The following PALD1 variants were observed in gnomAD, a reference collection of about 807,000 sequenced individuals.
PALD1 encodes the protein paladin.
Under a neutral mutation model 96.0 loss-of-function variants are expected in PALD1, and 57 were observed. That is an observed-to-expected ratio of 0.59 (90% confidence interval 0.48 to 0.74). PALD1 has a LOEUF of 0.74. PALD1 is among the 30% of genes least tolerant of loss of function. The probability of loss-of-function intolerance (pLI) is 0.00; values close to 1 mark genes in which losing one functional copy is unlikely to be tolerated. For missense variants in PALD1, 1,063 were observed against 1,143.7 expected (o/e 0.93, Z 1.02); for synonymous variants, 464 against 473.6 (o/e 0.98, Z 0.26).
intron 18 of PALD1, among the ~76,000 whole-genome samples, chr10:70,562,435 A>G (rs1222815189): frequency 6.6e-6 from 1 of 152,184 alleles, no homozygotes; most frequent in East Asian, 1.9e-4. Context: ...GATTCCTGGG[A>G]CTGTGGACTG....
chr10:70,506,797 G>A (rs1846400417), intron 1 of PALD1, among the ~76,000 whole-genome samples: 1 of 152,142 alleles, frequency 6.6e-6, no homozygotes, highest in African/African-American at 2.4e-5. Flanking sequence ...GGTGGAATCT[G>A]CCTCTCAGAG....
chr10:70,529,312 C>G lies in PALD1; in HGVS notation c.269C>G (p.Pro90Arg), dbSNP rs1564698421. The change falls in exon 3 of 20, where the codon CCT becomes CGT. Residue 90 changes from proline to arginine, a missense_variant. By Grantham distance (103) the Pro-to-Arg change is moderately radical (BLOSUM62 -2). Coordinates refer to ENST00000263563, the MANE Select transcript of PALD1 (RefSeq NM_014431.3). ...TTGGGCCGGCTCTCGGACAACACCC[C>G]TGAGCACTACCTGGTGCAAGTGAGC... ...YTLGRLSDNT[P>R]EHYLVQGRYF... The G allele has an allele frequency of 1.3e-6, 2 of 1,593,604 alleles. No individual in the cohort carries two copies. Among genetic ancestry groups the G allele is most frequent in the Non-Finnish European group, 1.7e-6 (2 of 1,165,838 alleles).
intron 1 of PALD1, among the ~76,000 whole-genome samples, chr10:70,496,088 A>AG (rs5785981): frequency 0.069 from 10,402 of 151,706 alleles, 1,052 homozygotes; most frequent in East Asian, 0.51. Context: ...AATTTTAAAA[A>AG]GGGGAAGAAA....
At chr10:70,505,634 CAAAACAAAACAAAA>C (rs1313423634) in intron 1 of PALD1, among the ~76,000 whole-genome samples, 2 of 118,774 alleles carry the variant, frequency 1.7e-5, no homozygotes, top group Admixed American at 1.8e-4. Context: ...CAAAACAAAA[CAAAACAAAACAAAA>C]AAACAAATCA....
chr10:70,533,272 G>A (rs1258441134), intron 7 of PALD1, among the ~76,000 whole-genome samples: 1 of 152,010 alleles, frequency 6.6e-6, no homozygotes, highest in Non-Finnish European at 1.5e-5. Context: ...GTGTCTGTGG[G>A]GAGTGTGTGT....
At chr10:70,564,551 G>A in intron 19 of PALD1, 32 bp downstream of exon 19, 3 of 1,603,344 alleles carry the variant, frequency 1.9e-6, no homozygotes, top group Non-Finnish European at 2.6e-6. Flanking sequence ...GAGGGGCCGG[G>A]GCGATGGCTC....
intron 1 of PALD1, among the ~76,000 whole-genome samples, chr10:70,480,088 G>A (rs1205664346): frequency 6.6e-6 from 1 of 152,246 alleles, no homozygotes; most frequent in East Asian, 1.9e-4. Context: ...AAGCAAATGT[G>A]CTGAAATGTT....
chr10:70,494,617 G>A (rs1299950478), intron 1 of PALD1, among the ~76,000 whole-genome samples: 1 of 152,194 alleles, frequency 6.6e-6, no homozygotes, highest in African/African-American at 2.4e-5. Context: ...TGTCAGCGGG[G>A]TAATTATGGA....
In PALD1 at chr10:70,539,583, C is replaced by T; in HGVS notation, c.1729C>T (p.Leu577=). 2 of 1,608,144 alleles carry T rather than the reference C, an allele frequency of 1.2e-6. No homozygotes were observed. The highest frequency in any genetic ancestry group is 1.7e-6 in the Non-Finnish European group (2 of 1,176,582). ...PPVAPDQLET[L]EAQLKAHLSE... ...CCTCCCTCCTGCCCTTGCCCAGACC[C>T]TGGAGGCCCAGCTGAAGGCCCATCT... Residue 577 remains leucine (L), a synonymous_variant, in exon 15 of 20, where the codon CTG becomes TTG. Transcript: ENST00000263563. This position sits in a 1 kb window ranked among gnomAD's most constrained non-coding sequence, Gnocchi z 4.5.
At chr10:70,484,507 A>G (rs999168689) in intron 1 of PALD1, among the ~76,000 whole-genome samples, 9 of 152,112 alleles carry the variant, frequency 5.9e-5, no homozygotes. Flanking sequence ...TTTGAAGTGT[A>G]CATGTAACTG....
At chr10:70,514,607 C>T (rs951585748) in intron 1 of PALD1, among the ~76,000 whole-genome samples, 3 of 152,110 alleles carry the variant, frequency 2.0e-5, no homozygotes, top group Non-Finnish European at 4.4e-5. Context: ...AGCCTGTCAC[C>T]TGGGAGGTTC....
rs763526676 is a variant in PALD1 at position 70,547,466 on chromosome 10, C to T, written c.2262+20C>T. The T allele has an allele frequency of 6.6e-6, 10 of 1,516,946 alleles. No individual in the cohort carries two copies. The highest frequency in any genetic ancestry group is 1.2e-5 in the South Asian group (1 of 81,756). 94.0% of individuals were successfully genotyped at this position (1,516,946 alleles called of 1,614,324 possible). On this transcript the variant is annotated intron_variant, in intron 18 of 19. Coordinates refer to ENST00000263563, the MANE Select transcript of PALD1 (RefSeq NM_014431.3). ...CGCCAGGTGAGCCCCCACCCCACCCCACCCCACCCTGCCCCAGCCACCCTT... is the reference window on the plus strand; with the variant it reads ...CGCCAGGTGAGCCCCCACCCCACCCTACCCCACCCTGCCCCAGCCACCCTT...
chr10:70,474,898 C>T (rs1189107252), upstream of PALD1, among the ~76,000 whole-genome samples: 1 of 152,124 alleles, frequency 6.6e-6, no homozygotes, highest in African/African-American at 2.4e-5. Context: ...ACAGAGATCC[C>T]ATGGGCAGAT....
intron 1 of PALD1, among the ~76,000 whole-genome samples, chr10:70,482,532 C>T (rs796759573): frequency 6.6e-6 from 1 of 152,246 alleles, no homozygotes; most frequent in South Asian, 2.1e-4. Context: ...TGGCTGGGAC[C>T]CGGGGAAAGA....
Position 70,533,068 on chromosome 10 carries a change from C to T in PALD1, c.868C>T (p.Arg290Trp), listed in dbSNP as rs767904073. 45 of 1,577,580 alleles carry T rather than the reference C, an allele frequency of 2.9e-5. No individual in the cohort carries two copies. In the East Asian group the frequency reaches 6.5e-4, roughly 23 times the overall value. Residue 290 changes from arginine to tryptophan, a missense_variant and splice_region_variant, in exon 7 of 20, where the codon CGG becomes TGG. By Grantham distance (101) the Arg-to-Trp change is moderately radical (BLOSUM62 -3). Coordinates refer to ENST00000263563, the MANE Select transcript of PALD1 (RefSeq NM_014431.3). ...AQLDAFVSVL[R>W]ETPSLLQLRD... is the part of the protein sequence containing the mutation. ...GTTGGACGCCTTTGTCAGTGTTCTC[C>T]GGGTAACTGGGGCACGGGCGCGCAT...
Position 70,524,214 on chromosome 10 carries a change from C to A in PALD1, c.-29-1709C>A, listed in dbSNP as rs76830774. 9.3e-3 allele frequency among the ~76,000 whole-genome samples: 1,420 copies of A among 152,258 alleles called. 28 individuals are homozygous for A. Among genetic ancestry groups the A allele is most frequent in the African/African-American group, 0.033 (1,362 of 41,552 alleles). On this transcript the variant is annotated intron_variant, in intron 1 of 19. Coordinates refer to ENST00000263563, the MANE Select transcript of PALD1 (RefSeq NM_014431.3). ...GATGCTTATTGTCCTGGTGCTTCTG[C>A]AGAGTCGAGGGGTTGGGGGCTGGCA... is the stretch of plus-strand genomic sequence containing the variant.
In PALD1 at chr10:70,492,448, C is replaced by CTT. The variant is rs1157960799; in HGVS notation, c.-30+13414_-30+13415dup. ...TTACCAGAATTAAATGCATTTTTGA[C>CTT]TTTTTTTTTTTTTTTTTTTTTTTTT... On this transcript the variant is annotated intron_variant, in intron 1 of 19. Transcript: ENST00000263563. 0.039 allele frequency among the ~76,000 whole-genome samples: 3,149 copies of CTT among 80,056 alleles called. 647 individuals are homozygous for CTT. The East Asian group carries it at 0.44, about 11-fold the overall frequency. The allele number at this position is 80,056 out of a possible 152,430, so 52.5% of individuals were successfully genotyped here.
chr10:70,537,688 A>G (rs1847142633), intron 10 of PALD1, 123 bp from the exon 11 acceptor site: 1 of 664,582 alleles, frequency 1.5e-6, no homozygotes, highest in Non-Finnish European at 2.7e-6. Context: ...GAACTGTGTC[A>G]TGAAGGGAGG....
At chr10:70,487,422 C>T (rs1445517299) in intron 1 of PALD1, among the ~76,000 whole-genome samples, 5 of 151,888 alleles carry the variant, frequency 3.3e-5, no homozygotes, top group Non-Finnish European at 5.9e-5. Context: ...CGTGAACCAC[C>T]GCACCTGGCT....
Sources: gnomAD v4.1 joint callset for allele counts (sites outside exome capture counted in the v4.1 genomes callset) on GRCh38, gnomAD v4.1.1 for gene constraint, Gnocchi (gnomAD v3.1) non-coding constraint, MANE v1.5 for transcripts, NCBI Gene and HGNC (gene_info 2026-07-23, HGNC 2026-07-21) for gene names.